The following GDAP1 variants were observed in gnomAD, a reference collection of about 807,000 sequenced individuals.
GDAP1 encodes the protein ganglioside-induced differentiation-associated protein 1.
GDAP1 carries 34 observed loss-of-function variants against 40.1 expected under a neutral mutation model. That is an observed-to-expected ratio of 0.85 (90% CI 0.64 to 1.13). The LOEUF is 1.13. GDAP1 is among the 50% of genes most tolerant of loss of function. GDAP1 has a pLI of 0.00. For synonymous variants in GDAP1, 170 were observed against 157.4 expected (o/e 1.08, Z -0.60); for missense variants, 374 against 433.7 (o/e 0.86, Z 1.22).
intron 2 of GDAP1, among the ~76,000 whole-genome samples, chr8:74,413,608 TG>T (rs753486192): frequency 8.0e-5 from 12 of 149,946 alleles, no homozygotes; most frequent in Non-Finnish European, 1.6e-4. Context: ...GTAGAGATTT[TG>T]GCAGCAGCAG....
intron 2 of GDAP1, among the ~76,000 whole-genome samples, chr8:74,469,165 C>T (rs1167496221): frequency 6.6e-6 from 1 of 151,980 alleles, no homozygotes; most frequent in South Asian, 2.1e-4. Flanking sequence ...TTTAAATGTA[C>T]TGCTAAAATA....
intron 2 of GDAP1, among the ~76,000 whole-genome samples, chr8:74,439,048 GTGTGTGTGTA>G (rs1410676770): frequency 6.6e-6 from 1 of 151,850 alleles, no homozygotes; most frequent in Non-Finnish European, 1.5e-5. Flanking sequence ...GTGTGTGTGT[GTGTGTGTGTA>G]TATAACTTTT....
intron 2 of GDAP1, among the ~76,000 whole-genome samples, chr8:74,386,543 T>C (rs550115166): frequency 1.4e-3 from 211 of 152,336 alleles, no homozygotes; most frequent in African/African-American, 4.5e-3. Context: ...CATTGCTCTA[T>C]ATCTCTGTTT....
chr8:74,462,771 A>AT (rs1200238735), intron 2 of GDAP1, among the ~76,000 whole-genome samples: 3 of 151,986 alleles, frequency 2.0e-5, no homozygotes, highest in Admixed American at 6.6e-5. Flanking sequence ...GAATCCTAGA[A>AT]TTTTTTTTAT....
chr8:74,483,331 T>A (rs1806736831), intron 2 of GDAP1, among the ~76,000 whole-genome samples: 1 of 151,968 alleles, frequency 6.6e-6, no homozygotes, highest in Non-Finnish European at 1.5e-5. Flanking sequence ...TGAACCATAG[T>A]TTTTCAGAAT....
chr8:74,395,179 G>T lies in GDAP1; in HGVS notation c.165+43858G>T, dbSNP rs116655887. 5.6e-3 allele frequency among the ~76,000 whole-genome samples: 851 copies of T among 152,234 alleles called. 9 individuals are homozygous for T. Among genetic ancestry groups the T allele is most frequent in the African/African-American group, 0.019 (790 of 41,548 alleles). ...ACCTTATTTTATAGAAGATAAACCT[G>T]GGCTTTGATCAGAATTTTTAAGCAT... On this transcript the variant is annotated intron_variant, in intron 2 of 2. Coordinates refer to the GDAP1 transcript ENST00000523640.
chr8:74,467,943 TAG>T (rs1390410148), intron 2 of GDAP1, among the ~76,000 whole-genome samples: 1 of 152,330 alleles, frequency 6.6e-6, no homozygotes. Context: ...ACAATTTTCT[TAG>T]AACATGATTT....
chr8:74,401,667 TTC>T (rs1491543611), intron 2 of GDAP1, among the ~76,000 whole-genome samples: 2 of 149,890 alleles, frequency 1.3e-5, no homozygotes, highest in African/African-American at 5.1e-5. Context: ...CTCCGTTTTT[TTC>T]CCCATCTTTG....
At chr8:74,455,257 G>T (rs969513303) in intron 2 of GDAP1, among the ~76,000 whole-genome samples, 1 of 151,732 alleles carries the variant, frequency 6.6e-6, no homozygotes, top group Non-Finnish European at 1.5e-5. Flanking sequence ...TTTAAACAAC[G>T]AGTCTATAGC....
At chr8:74,441,392 A>G (rs1236547804) in intron 2 of GDAP1, among the ~76,000 whole-genome samples, 1 of 152,178 alleles carries the variant, frequency 6.6e-6, no homozygotes, top group East Asian at 1.9e-4. Flanking sequence ...TAGATTTAGC[A>G]GCTAATAAGC....
intron 4 of GDAP1, among the ~76,000 whole-genome samples, chr8:74,362,708 G>A (rs765271815): frequency 5.3e-5 from 8 of 150,774 alleles, no homozygotes; most frequent in Admixed American, 1.3e-4. Flanking sequence ...CATAGGAGCT[G>A]CCAGTGAGTG....
chr8:74,419,843 A>G (rs1484281914), intron 2 of GDAP1, among the ~76,000 whole-genome samples: 5 of 152,110 alleles, frequency 3.3e-5, no homozygotes, highest in Admixed American at 6.6e-5. Context: ...ATATGGTGTG[A>G]TGTAGCCAGT....
intron 2 of GDAP1, among the ~76,000 whole-genome samples, chr8:74,378,901 A>G (rs1408155019): frequency 1.3e-5 from 2 of 152,200 alleles, no homozygotes; most frequent in African/African-American, 2.4e-5. Flanking sequence ...GACAGGAAAG[A>G]CTTAGGGAAG....
intron 2 of GDAP1, among the ~76,000 whole-genome samples, chr8:74,383,281 G>A (rs1809980787): frequency 6.6e-6 from 1 of 152,188 alleles, no homozygotes; most frequent in African/African-American, 2.4e-5. Context: ...CCTGTTTGCA[G>A]GTTTCTGATG....
Position 74,364,129 on chromosome 8 carries a change from A to T in GDAP1, c.839A>T (p.Tyr280Phe). The T allele has an allele frequency of 6.2e-7, 1 of 1,614,198 alleles. No individual in the cohort carries two copies. Among genetic ancestry groups the T allele is most frequent in the Non-Finnish European group, 8.5e-7 (1 of 1,180,032 alleles). ...NGKRPNLETY[Y>F]ERVLKRKTFN... is the part of the protein sequence containing the mutation. ...AAGCGACCAAACTTGGAAACCTATTACGAGCGTGTCTTGAAGAGAAAAACA... is the reference window on the plus strand; with the variant it reads ...AAGCGACCAAACTTGGAAACCTATTTCGAGCGTGTCTTGAAGAGAAAAACA... The change falls in exon 6 of 6, where the codon TAC becomes TTC. Residue 280 changes from tyrosine (Y) to phenylalanine (F), a missense_variant. By Grantham distance (22) the Tyr-to-Phe change is conservative. Coordinates refer to ENST00000220822, the MANE Select transcript of GDAP1 (RefSeq NM_018972.4).
chr8:74,428,236 CAACA>C (rs1805975991), intron 2 of GDAP1, among the ~76,000 whole-genome samples: 2 of 148,890 alleles, frequency 1.3e-5, no homozygotes, highest in Non-Finnish European at 2.9e-5. Flanking sequence ...CTAACAACAA[CAACA>C]ACAACAACAA....
chr8:74,353,395 T>C (rs979817547), intron 2 of GDAP1, among the ~76,000 whole-genome samples: 5 of 152,206 alleles, frequency 3.3e-5, no homozygotes, highest in African/African-American at 7.2e-5. Flanking sequence ...CCAAAACTTA[T>C]GGTAGATAGG....
intron 2 of GDAP1, among the ~76,000 whole-genome samples, chr8:74,358,661 A>G (rs1305058345): frequency 6.6e-6 from 1 of 152,220 alleles, no homozygotes; most frequent in African/African-American, 2.4e-5. Context: ...TGAAAAAGTA[A>G]TTAACGTCTT....
In GDAP1 at chr8:74,384,980, A is replaced by G. The variant is rs1040014008; in HGVS notation, c.165+33659A>G. Among the ~76,000 whole-genome samples, 25 of 152,308 alleles carry G rather than the reference A, an allele frequency of 1.6e-4. No individual in the cohort carries two copies. The South Asian group carries it at 5.0e-3, about 30-fold the overall frequency. On this transcript the variant is annotated intron_variant, in intron 2 of 2. Transcript: ENST00000523640. ...CCAAACCACAGTTGAATGCTTTGCTAGCAAAGCAAATAATATGGATGCTAA... is the reference window on the plus strand; with the variant it reads ...CCAAACCACAGTTGAATGCTTTGCTGGCAAAGCAAATAATATGGATGCTAA...
Sources: gnomAD v4.1 joint callset for allele counts (sites outside exome capture counted in the v4.1 genomes callset) on GRCh38, gnomAD v4.1.1 for gene constraint, MANE v1.5 for transcripts, NCBI Gene and HGNC (gene_info 2026-07-23, HGNC 2026-07-21) for gene names.